PHF24: variants seen among roughly 807,000 people sequenced by gnomAD.
The protein encoded by PHF24 is Galpha inhibitory interacting protein.
A neutral mutation model predicts 42.6 loss-of-function variants in PHF24; 25 were observed. The observed-to-expected ratio is 0.59, with a 90% CI of 0.43 to 0.82. PHF24 has a LOEUF of 0.82. Among genes scored for constraint, PHF24 ranks in the 40% least tolerant of loss-of-function variants. The pLI is 0.00. For missense variants in PHF24, 470 were observed against 538.1 expected, an observed-to-expected ratio of 0.87 and a Z score of 1.25; for synonymous variants, 185 against 204.8, an observed-to-expected ratio of 0.90 and a Z score of 0.83.
the PHF24 span, chr9:34,918,042 C>T: frequency 7.6e-7 from 1 of 1,308,058 alleles, no homozygotes; most frequent in Admixed American, 1.7e-5. Flanking sequence ...TGCCTGTGAT[C>T]CCAAAGGAGG....
the PHF24 span, among the ~76,000 whole-genome samples, chr9:34,947,289 C>T: frequency 6.6e-6 from 1 of 152,102 alleles, no homozygotes; most frequent in Non-Finnish European, 1.5e-5. Flanking sequence ...AAAAATGGTC[C>T]CATAAAATTA....
chr9:34,761,650 A>G, the PHF24 span, among the ~76,000 whole-genome samples: 1 of 152,064 alleles, frequency 6.6e-6, no homozygotes, highest in Admixed American at 6.6e-5. Context: ...ATGGCATGGT[A>G]GAGAGAGAGC....
the PHF24 span, among the ~76,000 whole-genome samples, chr9:34,766,026 G>A: frequency 1.3e-5 from 2 of 151,920 alleles, no homozygotes; most frequent in Non-Finnish European, 2.9e-5. Flanking sequence ...TTGAATATTG[G>A]CCCCCACTCT....
At chr9:34,886,131 C>G in the PHF24 span, among the ~76,000 whole-genome samples, 1 of 151,890 alleles carries the variant, frequency 6.6e-6, no homozygotes, top group Non-Finnish European at 1.5e-5. Context: ...TACTTGCCCC[C>G]CACTTCTTCA....
At chr9:34,948,528 A>C in the PHF24 span, among the ~76,000 whole-genome samples, 34 of 152,160 alleles carry the variant, frequency 2.2e-4, no homozygotes, top group African/African-American at 7.7e-4. Context: ...ATATGGTTAG[A>C]TAGGTTTAGA....
the PHF24 span, among the ~76,000 whole-genome samples, chr9:34,816,904 A>G: frequency 6.6e-6 from 1 of 152,220 alleles, no homozygotes; most frequent in Admixed American, 6.5e-5. Flanking sequence ...GCAAAACTTA[A>G]CCTCATACCT....
At chr9:34,887,480 ACT>A in the PHF24 span, among the ~76,000 whole-genome samples, 2 of 151,098 alleles carry the variant, frequency 1.3e-5, no homozygotes, top group East Asian at 3.9e-4. Context: ...TTCCTTTATT[ACT>A]CTGCTTTAGG....
chr9:34,936,900 C>A, the PHF24 span, among the ~76,000 whole-genome samples: 1 of 150,112 alleles, frequency 6.7e-6, no homozygotes, highest in Admixed American at 6.6e-5. Context: ...AAGTGAGGAG[C>A]CCCTCTGCCC....
At chr9:34,684,837 G>A in the PHF24 span, among the ~76,000 whole-genome samples, 16 of 152,166 alleles carry the variant, frequency 1.1e-4, no homozygotes, top group African/African-American at 3.6e-4. Flanking sequence ...TGTGGCTGGG[G>A]TGAAAGCTTT....
At chr9:34,735,350 A>T in the PHF24 span, among the ~76,000 whole-genome samples, 47 of 144,782 alleles carry the variant, frequency 3.2e-4, no homozygotes, top group African/African-American at 5.6e-4. Context: ...TTGGCCAGGC[A>T]GGTCTTGAAC....
chr9:34,947,928 A>C, the PHF24 span, among the ~76,000 whole-genome samples: 1 of 151,994 alleles, frequency 6.6e-6, no homozygotes, highest in Non-Finnish European at 1.5e-5. Context: ...CTAACACGGT[A>C]AAACCCCGTC....
chr9:34,809,771 C>A, the PHF24 span, among the ~76,000 whole-genome samples: 10 of 152,264 alleles, frequency 6.6e-5, no homozygotes, highest in African/African-American at 2.4e-4. This position sits in a 1 kb window ranked among gnomAD's most constrained non-coding sequence, Gnocchi z 4.1. Context: ...AGTTGGCCGG[C>A]TGTTTCAGTC....
chr9:34,883,333 G>T, the PHF24 span, among the ~76,000 whole-genome samples: 1 of 152,146 alleles, frequency 6.6e-6, no homozygotes, highest in African/African-American at 2.4e-5. Context: ...AACACCAAAA[G>T]CAATAGCAAC....
chr9:34,884,409 ATGAG>A, the PHF24 span, among the ~76,000 whole-genome samples: 1 of 152,224 alleles, frequency 6.6e-6, no homozygotes, highest in African/African-American at 2.4e-5. Flanking sequence ...AGACCACAGT[ATGAG>A]TATTTTTATA....
At chr9:34,797,660 C>CT in the PHF24 span, among the ~76,000 whole-genome samples, 1 of 151,634 alleles carries the variant, frequency 6.6e-6, no homozygotes, top group South Asian at 2.1e-4. Context: ...CTGCTCGTGT[C>CT]TTTTTCTGCT....
chr9:34,712,322 A>G, the PHF24 span, among the ~76,000 whole-genome samples: 34,767 of 151,702 alleles, frequency 0.23, 4,765 homozygotes, highest in African/African-American at 0.38. Context: ...CTTCTTGGGT[A>G]TGTATATTCA....
the PHF24 span, chr9:34,837,093 G>A: frequency 2.1e-6 from 1 of 471,342 alleles, no homozygotes; most frequent in East Asian, 6.9e-5. Flanking sequence ...CAGCTCTTGT[G>A]GCTTCTGATC....
At chr9:34,768,398 A>G in the PHF24 span, among the ~76,000 whole-genome samples, 1 of 152,218 alleles carries the variant, frequency 6.6e-6, no homozygotes, top group South Asian at 2.1e-4. Flanking sequence ...GGTGTATGTA[A>G]CTAGCATGGT....
At chr9:34,918,408 T>TAA in the PHF24 span, 1,858 of 392,048 alleles carry the variant, frequency 4.7e-3, 1 homozygote, top group East Asian at 0.013. Flanking sequence ...CCAAGGTCTT[T>TAA]AAAAAAAAAA....
Sources: allele counts gnomAD v4.1 joint callset (sites outside exome capture counted in the v4.1 genomes callset), GRCh38; gene constraint gnomAD v4.1.1; non-coding constraint Gnocchi (gnomAD v3.1); transcripts MANE v1.5; gene names NCBI Gene and HGNC (gene_info 2026-07-23, HGNC 2026-07-21).